SORCS1: variants seen among roughly 807,000 people sequenced by gnomAD.
SORCS1 encodes VPS10 domain-containing receptor SorCS1.
Under a neutral mutation model 146.1 loss-of-function variants are expected in SORCS1, and 60 were observed. The observed-to-expected ratio is 0.41, with a 90% CI of 0.33 to 0.51. The LOEUF is 0.51. SORCS1 is among the 20% of genes least tolerant of loss of function. The pLI is 0.21. For missense variants in SORCS1, 1,352 were observed against 1,487.6 expected, an observed-to-expected ratio of 0.91 and a Z score of 1.50; for synonymous variants, 637 against 584.0, an observed-to-expected ratio of 1.09 and a Z score of -1.31.
intron 6 of SORCS1, among the ~76,000 whole-genome samples, chr10:106,718,073 A>G (rs1350916082): frequency 6.6e-6 from 1 of 152,204 alleles, no homozygotes; most frequent in Non-Finnish European, 1.5e-5. Flanking sequence ...GCTGAGGGAA[A>G]GCCTAGAAGG....
intron 3 of SORCS1, among the ~76,000 whole-genome samples, chr10:106,802,430 C>G (rs1390363544): frequency 6.6e-6 from 1 of 152,032 alleles, no homozygotes; most frequent in South Asian, 2.1e-4. Flanking sequence ...CTCCCGGGTT[C>G]AAACAATCCT....
At chr10:107,112,295 T>G (rs925850548) in intron 1 of SORCS1, among the ~76,000 whole-genome samples, 33 of 152,210 alleles carry the variant, frequency 2.2e-4, no homozygotes, top group African/African-American at 7.9e-4. Flanking sequence ...CAAAATAAGG[T>G]AATTTGTTAT....
chr10:106,773,603 A>C (rs755654620), intron 4 of SORCS1, among the ~76,000 whole-genome samples: 12 of 152,292 alleles, frequency 7.9e-5, no homozygotes, highest in Non-Finnish European at 1.3e-4. Flanking sequence ...CAGAGAGGTC[A>C]GTAGAAAGCC....
At chr10:106,596,700 A>G (rs1332693106) in intron 24 of SORCS1, among the ~76,000 whole-genome samples, 1 of 152,212 alleles carries the variant, frequency 6.6e-6, no homozygotes, top group East Asian at 1.9e-4. Context: ...TAAAGAAAGA[A>G]AATTCTTTGT....
chr10:106,984,040 C>CT (rs560640823), intron 1 of SORCS1, among the ~76,000 whole-genome samples: 67 of 152,282 alleles, frequency 4.4e-4, no homozygotes, highest in African/African-American at 1.6e-3. Flanking sequence ...GAACTAATGG[C>CT]TTTTACCAAT....
intron 3 of SORCS1, among the ~76,000 whole-genome samples, chr10:106,779,385 T>C (rs962817966): frequency 6.6e-6 from 1 of 152,162 alleles, no homozygotes; most frequent in African/African-American, 2.4e-5. Flanking sequence ...ATAAGACCTC[T>C]GGTAGAATTC....
intron 5 of SORCS1, among the ~76,000 whole-genome samples, chr10:106,744,491 T>C (rs147793752): frequency 5.3e-5 from 8 of 152,306 alleles, no homozygotes; most frequent in Non-Finnish European, 8.8e-5. Context: ...AGTTTTTCAA[T>C]AGGAACAACT....
chr10:107,024,182 A>G (rs1958286192), intron 1 of SORCS1, among the ~76,000 whole-genome samples: 1 of 151,842 alleles, frequency 6.6e-6, no homozygotes, highest in South Asian at 2.1e-4. Context: ...TCAAAAAAAA[A>G]AAAAAAAAAA....
At chr10:106,639,223 G>A (rs1052726142) in intron 18 of SORCS1, among the ~76,000 whole-genome samples, 2 of 152,206 alleles carry the variant, frequency 1.3e-5, no homozygotes, top group African/African-American at 2.4e-5. Flanking sequence ...ATGGTGTGGT[G>A]AAACCCTGAT....
At chr10:107,135,933 A>G (rs1248494251) in intron 1 of SORCS1, among the ~76,000 whole-genome samples, 2 of 152,222 alleles carry the variant, frequency 1.3e-5, no homozygotes, top group East Asian at 3.8e-4. Context: ...AGAGGGAAGA[A>G]AATACAGATA....
intron 18 of SORCS1, among the ~76,000 whole-genome samples, chr10:106,642,227 G>C (rs1004165447): frequency 5.9e-5 from 9 of 152,154 alleles, no homozygotes; most frequent in African/African-American, 2.2e-4. Flanking sequence ...GTTGAACCAT[G>C]AGTTAACATG....
At chr10:106,706,426 T>C in intron 8 of SORCS1, 119 bp downstream of exon 8, 1 of 940,456 alleles carries the variant, frequency 1.1e-6, no homozygotes, top group Non-Finnish European at 1.7e-6. Context: ...GAAACAGAGA[T>C]GAGAGATGTA....
intron 5 of SORCS1, among the ~76,000 whole-genome samples, chr10:106,735,863 C>T (rs959093133): frequency 1.3e-5 from 2 of 152,126 alleles, no homozygotes; most frequent in Non-Finnish European, 2.9e-5. Context: ...GTGTGGTCCT[C>T]GCTATTGAGG....
intron 3 of SORCS1, among the ~76,000 whole-genome samples, chr10:106,818,812 A>G (rs1589465663): frequency 6.6e-6 from 1 of 152,202 alleles, no homozygotes; most frequent in South Asian, 2.1e-4. Flanking sequence ...ACACCGAAAG[A>G]CTGTTTTCAT....
At position 106,654,989 on chromosome 10, in the gene SORCS1, T is replaced by G. The variant is rs576987220; in HGVS notation, c.2304-2436A>C. On this transcript the variant is annotated intron_variant, in intron 17 of 25. Transcript: ENST00000263054. ...CTCTCGCCTCAGCCATCCAAGTAGC[T>G]GGGATTACAGGCATGTGCCACCACG... Among the ~76,000 whole-genome samples, 59 of 152,232 alleles carry G rather than the reference T, an allele frequency of 3.9e-4. 1 individual carries two copies. The highest frequency in any genetic ancestry group is 1.4e-3 in the African/African-American group (59 of 41,538).
chr10:106,948,325 T>C (rs1478453569), intron 2 of SORCS1, among the ~76,000 whole-genome samples: 1 of 152,176 alleles, frequency 6.6e-6, no homozygotes, highest in South Asian at 2.1e-4. Context: ...TTCTGGCTCA[T>C]TGTAATGAGC....
intron 8 of SORCS1, among the ~76,000 whole-genome samples, chr10:106,704,229 A>T (rs192523902): frequency 1.2e-4 from 18 of 152,310 alleles, no homozygotes; most frequent in Middle Eastern, 3.4e-3. Flanking sequence ...CTGACAGTAT[A>T]TGGAATTTTG....
intron 5 of SORCS1, among the ~76,000 whole-genome samples, chr10:106,756,366 T>C (rs1185352419): frequency 1.3e-5 from 2 of 152,178 alleles, no homozygotes; most frequent in Admixed American, 6.5e-5. Context: ...AGGTATTAAT[T>C]ATTTTACAGG....
At chr10:106,992,822 CTTTCTTTTT>C (rs1589872375) in intron 1 of SORCS1, among the ~76,000 whole-genome samples, 3 of 98,794 alleles carry the variant, frequency 3.0e-5, no homozygotes, top group East Asian at 2.4e-4. Context: ...TCCTTTCTTT[CTTTCTTTTT>C]TTTTTTTTTT....
Sources: allele counts gnomAD v4.1 joint callset (sites outside exome capture counted in the v4.1 genomes callset), GRCh38; gene constraint gnomAD v4.1.1; transcripts MANE v1.5; gene names NCBI Gene and HGNC (gene_info 2026-07-23, HGNC 2026-07-21).